The following DAB1 variants were observed in gnomAD, a reference collection of about 807,000 sequenced individuals.
DAB1 encodes DAB adaptor protein 1.
Under a neutral mutation model 64.6 loss-of-function variants are expected in DAB1, and 15 were observed. The ratio of observed to expected loss-of-function variants is 0.23; its 90% confidence interval spans 0.16 to 0.36. DAB1 has a LOEUF of 0.36. Ranked by LOEUF, DAB1 falls within the 10% of genes least tolerant of loss-of-function variation. The pLI is 1.00. For synonymous variants in DAB1, 235 were observed against 251.9 expected (o/e 0.93, Z 0.64); for missense variants, 596 against 706.7 (o/e 0.84, Z 1.78).
intron 3 of DAB1, among the ~76,000 whole-genome samples, chr1:58,405,079 G>A (rs373714036): frequency 2.3e-4 from 35 of 152,106 alleles, no homozygotes; most frequent in Admixed American, 7.2e-4. Flanking sequence ...GCTACTCCCC[G>A]CCACCTCCCT....
intron 1 of DAB1, among the ~76,000 whole-genome samples, chr1:57,863,825 C>G (rs2101946121): frequency 6.6e-6 from 1 of 152,236 alleles, no homozygotes; most frequent in East Asian, 1.9e-4. Context: ...ACAACAAGAA[C>G]TGAAGTTAAT....
intron 7 of DAB1, among the ~76,000 whole-genome samples, chr1:57,583,299 T>C (rs1213929198): frequency 6.6e-6 from 1 of 151,098 alleles, no homozygotes; most frequent in Admixed American, 6.6e-5. Context: ...TCTTTTTTTT[T>C]TTTTTTTGAT....
At chr1:57,968,737 G>A (rs551006760) in intron 5 of DAB1, among the ~76,000 whole-genome samples, 1 of 152,226 alleles carries the variant, frequency 6.6e-6, no homozygotes, top group Admixed American at 6.5e-5. Context: ...CCTATTACAT[G>A]CAGAGCCTCA....
At chr1:58,047,145 TC>T (rs1454438451) in intron 5 of DAB1, among the ~76,000 whole-genome samples, 1 of 151,714 alleles carries the variant, frequency 6.6e-6, no homozygotes, top group Admixed American at 6.5e-5. Flanking sequence ...ATGGATTGTG[TC>T]AAGCAGTTTC....
chr1:57,910,415 C>T (rs995943081), intron 5 of DAB1, among the ~76,000 whole-genome samples: 3 of 152,222 alleles, frequency 2.0e-5, no homozygotes, highest in South Asian at 2.1e-4. Flanking sequence ...AGACGTACTG[C>T]GATGAATACC....
At chr1:57,439,274 C>T (rs1180031238) in intron 7 of DAB1, among the ~76,000 whole-genome samples, 1 of 152,064 alleles carries the variant, frequency 6.6e-6, no homozygotes, top group African/African-American at 2.4e-5. Flanking sequence ...AATCAAATCC[C>T]TATCACATCA....
chr1:57,903,667 CA>C (rs1644509026), intron 5 of DAB1, among the ~76,000 whole-genome samples: 1 of 152,102 alleles, frequency 6.6e-6, no homozygotes, highest in South Asian at 2.1e-4. Flanking sequence ...GTCTTCACAC[CA>C]GAGGCTAAGC....
In DAB1 at chr1:57,211,685, C is replaced by G. The variant is rs139310790; in HGVS notation, c.68-66256G>C. Among the ~76,000 whole-genome samples the G allele has an allele frequency of 2.5e-4, 38 of 152,278 alleles. No homozygotes were observed. The East Asian group carries it at 6.4e-3, about 25-fold the overall frequency. On this transcript the variant is annotated intron_variant, in intron 2 of 14. Transcript: ENST00000371236. Reference sequence around the variant, plus strand: ...CACAAAGTTAAGATTTTATTGTGTACAGTCAGCCCTCTGTAATCACAGGTA... The same window carrying G: ...CACAAAGTTAAGATTTTATTGTGTAGAGTCAGCCCTCTGTAATCACAGGTA...
At chr1:57,187,544 G>A (rs554012119) in intron 2 of DAB1, among the ~76,000 whole-genome samples, 1 of 152,310 alleles carries the variant, frequency 6.6e-6, no homozygotes, top group Admixed American at 6.5e-5. Flanking sequence ...GGGGCAGGTG[G>A]CTACTGCTCT....
At chr1:58,049,290 A>G (rs1030356166) in intron 5 of DAB1, 5 of 693,618 alleles carry the variant, frequency 7.2e-6, no homozygotes, top group African/African-American at 1.8e-5. Flanking sequence ...TGACTTAGAC[A>G]GGATGGCAGG....
At chr1:57,362,973 G>T (rs756356626) in intron 1 of DAB1, among the ~76,000 whole-genome samples, 1 of 152,100 alleles carries the variant, frequency 6.6e-6, no homozygotes, top group African/African-American at 2.4e-5. Context: ...GAAATATTTG[G>T]ACTAAATATA....
At chr1:58,319,998 C>T (rs1662645705) in intron 4 of DAB1, among the ~76,000 whole-genome samples, 1 of 152,168 alleles carries the variant, frequency 6.6e-6, no homozygotes, top group Non-Finnish European at 1.5e-5. Context: ...GGAAATTGTT[C>T]ATTATAGCAA....
At chr1:57,504,099 G>A (rs1260501678) in intron 7 of DAB1, among the ~76,000 whole-genome samples, 1 of 152,132 alleles carries the variant, frequency 6.6e-6, no homozygotes, top group East Asian at 1.9e-4. Flanking sequence ...CAGACAGGAG[G>A]CATTAAAAGA....
intron 3 of DAB1, among the ~76,000 whole-genome samples, chr1:58,357,350 T>C (rs1186879245): frequency 6.6e-6 from 1 of 152,086 alleles, no homozygotes; most frequent in Non-Finnish European, 1.5e-5. Context: ...AATTCAAAAA[T>C]AGCATGACCA....
intron 4 of DAB1, among the ~76,000 whole-genome samples, chr1:58,333,253 T>C (rs957063957): frequency 6.6e-6 from 1 of 152,110 alleles, no homozygotes; most frequent in Admixed American, 6.6e-5. Flanking sequence ...CGCCCACTCA[T>C]GGACCAATCA....
At chr1:57,541,350 C>T (rs913843123) in intron 7 of DAB1, among the ~76,000 whole-genome samples, 2 of 152,094 alleles carry the variant, frequency 1.3e-5, no homozygotes, top group Non-Finnish European at 2.9e-5. Context: ...AGGATGGTCT[C>T]GATCCCCTGA....
intron 6 of DAB1, among the ~76,000 whole-genome samples, chr1:57,657,006 A>G (rs1413140347): frequency 6.6e-6 from 1 of 152,232 alleles, no homozygotes; most frequent in African/African-American, 2.4e-5. Flanking sequence ...TAGGCTTATT[A>G]TACAAACAAT....
At chr1:58,308,564 T>C (rs935750968) in intron 4 of DAB1, among the ~76,000 whole-genome samples, 3 of 151,972 alleles carry the variant, frequency 2.0e-5, no homozygotes, top group African/African-American at 7.3e-5. Context: ...TGCATGTGAG[T>C]CTCAAGCAGA....
chr1:57,300,827 G>A (rs539505777), intron 1 of DAB1, among the ~76,000 whole-genome samples: 1 of 152,294 alleles, frequency 6.6e-6, no homozygotes, highest in Admixed American at 6.5e-5. Flanking sequence ...AGTAGCACAT[G>A]TATGTACCAT....
Sources: gnomAD v4.1 joint callset for allele counts (sites outside exome capture counted in the v4.1 genomes callset) on GRCh38, gnomAD v4.1.1 for gene constraint, MANE v1.5 for transcripts, NCBI Gene and HGNC (gene_info 2026-07-23, HGNC 2026-07-21) for gene names.